FBXO38: variants seen among roughly 807,000 people sequenced by gnomAD.
FBXO38 encodes the protein F-box only protein 38.
In FBXO38, 53 loss-of-function variants were observed where a neutral mutation model predicts 131.9. That is an observed-to-expected ratio of 0.40 (90% CI 0.32 to 0.51). The LOEUF (loss-of-function observed/expected upper bound fraction) is 0.51, where lower values mean the gene tolerates loss of function less well. FBXO38 is among the 20% of genes least tolerant of loss of function. The pLI, the probability that FBXO38 is intolerant of heterozygous loss-of-function variation, is 0.53. For missense variants in FBXO38, 1,076 were observed against 1,475.6 expected, an observed-to-expected ratio of 0.73 and a Z score of 4.44; for synonymous variants, 452 against 505.6, an observed-to-expected ratio of 0.89 and a Z score of 1.42.
At chr5:148,420,328 T>C (rs1460364404) in intron 12 of FBXO38, among the ~76,000 whole-genome samples, 1 of 152,088 alleles carries the variant, frequency 6.6e-6, no homozygotes, top group Non-Finnish European at 1.5e-5. Context: ...GGTCTTACTG[T>C]GTCGCCCAGT....
chr5:148,420,323 T>C (rs1753339395), intron 12 of FBXO38, among the ~76,000 whole-genome samples: 1 of 151,964 alleles, frequency 6.6e-6, no homozygotes. Flanking sequence ...GATAGGGTCT[T>C]ACTGTGTCGC....
At chr5:148,421,685 TG>T (rs1338800731) in intron 12 of FBXO38, among the ~76,000 whole-genome samples, 2 of 152,160 alleles carry the variant, frequency 1.3e-5, no homozygotes, top group Non-Finnish European at 2.9e-5. Context: ...CTGAAAAAGA[TG>T]TACTACCTTA....
intron 12 of FBXO38, among the ~76,000 whole-genome samples, chr5:148,420,699 C>T (rs1753364228): frequency 6.6e-6 from 1 of 152,144 alleles, no homozygotes; most frequent in Non-Finnish European, 1.5e-5. Context: ...TGCTCTGCAG[C>T]TTTATTTATG....
intron 17 of FBXO38, chr5:148,434,343 T>C (rs1754222096): frequency 6.6e-6 from 1 of 152,196 alleles, no homozygotes; most frequent in Admixed American, 6.5e-5. Flanking sequence ...GCATTAGTTT[T>C]GTGCTTTCTT....
At position 148,406,195 on chromosome 5, in the gene FBXO38, G is replaced by A. The variant is rs1752435691; in HGVS notation, c.731-62G>A. On this transcript the variant is annotated intron_variant, in intron 6 of 21. Coordinates refer to ENST00000340253, the MANE Select transcript of FBXO38 (RefSeq NM_205836.3). Reference sequence around the variant, plus strand: ...TTATAAGTTATACATGTCTTTCACTGATTTGAAATTCATTTTAAGGCACTT... The same window carrying A: ...TTATAAGTTATACATGTCTTTCACTAATTTGAAATTCATTTTAAGGCACTT... 1.3e-5 allele frequency: 18 copies of A among 1,424,540 alleles called. No homozygotes were observed. In the South Asian group the frequency reaches 2.5e-4, roughly 20 times the overall value. The allele number at this position is 1,424,540 out of a possible 1,614,324, so 88.2% of individuals were successfully genotyped here.
intron 12 of FBXO38, among the ~76,000 whole-genome samples, chr5:148,422,041 C>T (rs948096626): frequency 6.8e-6 from 1 of 147,092 alleles, no homozygotes; most frequent in African/African-American, 2.5e-5. Context: ...TACATCAGAC[C>T]TTTCTCTTTT....
intron 8 of FBXO38, 85 bp downstream of exon 8, chr5:148,409,302 GTA>G: frequency 1.2e-6 from 1 of 835,212 alleles, no homozygotes; most frequent in Non-Finnish European, 2.1e-6. Flanking sequence ...GAATGTGTGT[GTA>G]TATATGTGTG....
chr5:148,400,814 G>A (rs1015951639), intron 3 of FBXO38, among the ~76,000 whole-genome samples: 2 of 152,062 alleles, frequency 1.3e-5, no homozygotes, highest in Non-Finnish European at 2.9e-5. Context: ...CCATTTGGAA[G>A]CTCTTAAACT....
At chr5:148,428,038 T>G in intron 15 of FBXO38, 91 bp downstream of exon 15, 1 of 1,359,538 alleles carries the variant, frequency 7.4e-7, no homozygotes, top group Non-Finnish European at 9.6e-7. Flanking sequence ...AAAAGCCAGT[T>G]TGGCAAATTA....
At position 148,406,394 on chromosome 5, in the gene FBXO38, G is replaced by A; in HGVS notation, c.868G>A (p.Gly290Ser). The change falls in exon 7 of 22, where the codon GGT (glycine) becomes AGT (serine). Residue 290 changes from glycine to serine, a missense_variant and splice_region_variant. By Grantham distance (56) the Gly-to-Ser change is moderately conservative. Around this residue, in one of 8 missense-constraint regions of FBXO38, gnomAD observed 146 missense variants for 274.3 expected, o/e 0.53. Coordinates refer to ENST00000340253, the MANE Select transcript of FBXO38 (RefSeq NM_205836.3). The part of the protein sequence containing the change: ...QHVVEDSWRS[G>S]GFRNLHTIVL... The stretch of plus-strand genomic sequence containing the variant: ...TGTTGTTGAAGACAGTTGGAGATCA[G>A]GTATTCATTTTCTTTAATTACTAAA... 1 of 1,541,300 alleles carries A rather than the reference G, an allele frequency of 6.5e-7. No homozygotes were observed. Among genetic ancestry groups the A allele is most frequent in the Non-Finnish European group, 8.7e-7 (1 of 1,148,570 alleles).
rs1358072612 is a variant in FBXO38 at position 148,411,711 on chromosome 5, C to T, written c.1093+946C>T. Reference sequence around the variant, plus strand: ...AAAAGTCAAGCCATCCTTTTCTAGACAGTTTACTATTAGAATCATGTTAAA... The same window carrying T: ...AAAAGTCAAGCCATCCTTTTCTAGATAGTTTACTATTAGAATCATGTTAAA... On this transcript the variant is annotated intron_variant, in intron 9 of 21. Transcript: ENST00000340253. Among the ~76,000 whole-genome samples the T allele has an allele frequency of 2.6e-5, 4 of 152,120 alleles. No individual in the cohort carries two copies. In the South Asian group the frequency reaches 6.2e-4, roughly 24 times the overall value.
At chr5:148,386,450 G>A (rs151071868) in intron 1 of FBXO38, among the ~76,000 whole-genome samples, 12 of 152,136 alleles carry the variant, frequency 7.9e-5, no homozygotes, top group African/African-American at 1.9e-4. Flanking sequence ...CCCTGAAATC[G>A]TGTATGTATT....
chr5:148,420,029 G>A (rs1405530483), intron 12 of FBXO38, among the ~76,000 whole-genome samples: 1 of 151,828 alleles, frequency 6.6e-6, no homozygotes, highest in East Asian at 1.9e-4. Context: ...AGAACTTAGA[G>A]TACTTAATTG....
chr5:148,391,261 A>G (rs1011502823), intron 1 of FBXO38, among the ~76,000 whole-genome samples: 2 of 152,238 alleles, frequency 1.3e-5, no homozygotes, highest in African/African-American at 2.4e-5. Context: ...AGAATAATGG[A>G]AAGACTGGTG....
intron 12 of FBXO38, chr5:148,423,768 T>G: frequency 3.3e-6 from 1 of 300,632 alleles, no homozygotes; most frequent in East Asian, 5.4e-5. Flanking sequence ...TTGATGGGCT[T>G]TCTCCAACAA....
At chr5:148,440,138 T>A (rs916962346) in intron 19 of FBXO38, among the ~76,000 whole-genome samples, 5 of 152,304 alleles carry the variant, frequency 3.3e-5, no homozygotes, top group Admixed American at 2.0e-4. Context: ...TTTTATAAAT[T>A]TGTTATATAA....
chr5:148,440,313 T>G, intron 19 of FBXO38, 111 bp from the exon 20 acceptor site: 3 of 679,868 alleles, frequency 4.4e-6, no homozygotes, highest in Non-Finnish European at 7.9e-6. Context: ...ATGTTTTGTT[T>G]GAGATGTTCG....
chr5:148,422,543 C>T (rs1206949619), intron 12 of FBXO38, among the ~76,000 whole-genome samples: 2 of 152,094 alleles, frequency 1.3e-5, no homozygotes, highest in Non-Finnish European at 2.9e-5. Flanking sequence ...AATTTTTTCT[C>T]CCCCAACTAG....
chr5:148,428,377 C>G (rs1244056380), intron 15 of FBXO38, among the ~76,000 whole-genome samples: 1 of 152,210 alleles, frequency 6.6e-6, no homozygotes, highest in African/African-American at 2.4e-5. Flanking sequence ...ACCCCTCTTT[C>G]TGTCTCTGCA....
Sources: allele counts gnomAD v4.1 joint callset (sites outside exome capture counted in the v4.1 genomes callset), GRCh38; gene constraint gnomAD v4.1.1; regional missense constraint gnomAD v4.1.1; transcripts MANE v1.5; gene names NCBI Gene and HGNC (gene_info 2026-07-23, HGNC 2026-07-21).